The following NYAP2 variants were observed in gnomAD, a reference collection of about 807,000 sequenced individuals.
NYAP2 encodes the protein neuronal tyrosine-phosphorylated phosphoinositide-3-kinase adaptor 2.
In NYAP2, 23 loss-of-function variants were observed where a neutral mutation model predicts 50.4. That is an observed-to-expected ratio of 0.46 (90% CI 0.33 to 0.65). The LOEUF (loss-of-function observed/expected upper bound fraction) is 0.65, where lower values mean the gene tolerates loss of function less well. NYAP2 is among the 30% of genes least tolerant of loss of function. The pLI is 0.02. For missense variants in NYAP2, 885 were observed against 861.0 expected (o/e 1.03, Z -0.35); for synonymous variants, 394 against 365.2 (o/e 1.08, Z -0.90).
intron 3 of NYAP2, among the ~76,000 whole-genome samples, chr2:225,511,826 A>G (rs891487260): frequency 2.6e-5 from 4 of 152,208 alleles, no homozygotes; most frequent in Non-Finnish European, 5.9e-5. Context: ...ATAAAATTCC[A>G]TCATATTATG....
chr2:225,520,655 A>G (rs1318654615), intron 4 of NYAP2, among the ~76,000 whole-genome samples: 6 of 152,192 alleles, frequency 3.9e-5, no homozygotes, highest in African/African-American at 1.4e-4. Context: ...TACCAGTACC[A>G]TGCTGTTTTG....
chr2:225,637,987 G>C (rs1022586435), intron 6 of NYAP2, among the ~76,000 whole-genome samples: 4 of 152,202 alleles, frequency 2.6e-5, no homozygotes, highest in African/African-American at 4.8e-5. Flanking sequence ...TGATCGAAAT[G>C]AATATTGTTG....
At position 225,518,567 on chromosome 2, in the gene NYAP2, T is replaced by TATATAAAA. The variant is rs1203016686; in HGVS notation, c.523+4897_523+4898insATAAAAAT. Reference sequence around the variant, plus strand: ...ATATATATATATATATATATATATATATTAGCGTGTGCGCTTATATATATA... The same window carrying TATATAAAA: ...ATATATATATATATATATATATATATATATAAAAATTAGCGTGTGCGCTTATATATATA... On this transcript the variant is annotated intron_variant, in intron 4 of 6. Coordinates refer to ENST00000636099, the Ensembl canonical transcript of NYAP2. 6.7e-4 allele frequency among the ~76,000 whole-genome samples: 17 copies of TATATAAAA among 25,524 alleles called. 3 individuals are homozygous for TATATAAAA. The highest frequency in any genetic ancestry group is 6.2e-3 in the Admixed American group (11 of 1,788). 16.7% of individuals were successfully genotyped at this position (25,524 alleles called of 152,430 possible).
intron 3 of NYAP2, among the ~76,000 whole-genome samples, chr2:225,508,511 C>T (rs769274299): frequency 1.3e-5 from 2 of 152,042 alleles, no homozygotes; most frequent in Non-Finnish European, 2.9e-5. Flanking sequence ...AGTTAGAAGT[C>T]TGGGAGGTTT....
chr2:225,545,750 G>C (rs891919928), intron 4 of NYAP2, among the ~76,000 whole-genome samples: 3 of 151,998 alleles, frequency 2.0e-5, no homozygotes, highest in Non-Finnish European at 4.4e-5. Flanking sequence ...TTCTCCTGTC[G>C]ATATCTGTTG....
At chr2:225,655,937 TACAC>T (rs1307721608), downstream of NYAP2, among the ~76,000 whole-genome samples, 2 of 81,388 alleles carry the variant, frequency 2.5e-5, no homozygotes, top group Non-Finnish European at 5.4e-5. Context: ...CATACACACA[TACAC>T]ACACACACAC....
At chr2:225,594,766 G>A (rs947546351) in intron 5 of NYAP2, among the ~76,000 whole-genome samples, 15 of 152,298 alleles carry the variant, frequency 9.8e-5, no homozygotes, top group African/African-American at 3.4e-4. Flanking sequence ...TTAAATGTCT[G>A]TAGTGGTGCA....
chr2:225,543,548 T>A (rs1428562943), intron 4 of NYAP2, among the ~76,000 whole-genome samples: 1 of 152,076 alleles, frequency 6.6e-6, no homozygotes, highest in East Asian at 1.9e-4. Context: ...AATTTCCATA[T>A]GTTTGTATAG....
At chr2:225,419,741 C>T (rs775808988) in intron 3 of NYAP2, among the ~76,000 whole-genome samples, 57 of 151,996 alleles carry the variant, frequency 3.8e-4, no homozygotes, top group Non-Finnish European at 2.8e-4. Context: ...TTACTGTCAC[C>T]ATTTTTACCT....
At chr2:225,481,084 A>AG (rs1431567391) in intron 3 of NYAP2, among the ~76,000 whole-genome samples, 3 of 152,110 alleles carry the variant, frequency 2.0e-5, no homozygotes, top group Admixed American at 2.0e-4. Context: ...ATGAAATCAA[A>AG]GGGAAAACTC....
intron 4 of NYAP2, among the ~76,000 whole-genome samples, chr2:225,534,284 C>T (rs1212916551): frequency 3.9e-5 from 6 of 152,282 alleles, no homozygotes; most frequent in African/African-American, 9.6e-5. Context: ...GAATACTAAC[C>T]GTAGCCATTG....
intron 4 of NYAP2, among the ~76,000 whole-genome samples, chr2:225,537,888 G>C (rs1329329899): frequency 6.6e-6 from 1 of 152,178 alleles, no homozygotes; most frequent in East Asian, 1.9e-4. Flanking sequence ...ACAGGCATTG[G>C]ATAAATACAG....
At chr2:225,702,345 T>C in the NYAP2 span, 678 of 151,888 alleles carry the variant, frequency 4.5e-3, 8 homozygotes, top group African/African-American at 0.016. Context: ...AGCAAACTTA[T>C]GTATCAGGCA....
intron 4 of NYAP2, among the ~76,000 whole-genome samples, chr2:225,565,710 A>G (rs1296621544): frequency 1.3e-5 from 2 of 152,198 alleles, no homozygotes; most frequent in African/African-American, 4.8e-5. Context: ...TAAATACTTC[A>G]GGTAGAATGT....
intron 4 of NYAP2, among the ~76,000 whole-genome samples, chr2:225,545,558 TA>T (rs1691564630): frequency 6.6e-6 from 1 of 152,180 alleles, no homozygotes. Context: ...ATCTCTTTGT[TA>T]AATGCATCTG....
At chr2:225,635,863 A>G (rs73074518) in intron 6 of NYAP2, among the ~76,000 whole-genome samples, 3,303 of 152,314 alleles carry the variant, frequency 0.022, 123 homozygotes, top group African/African-American at 0.074. Flanking sequence ...AGCAATGAAT[A>G]GGATTTAAAA....
Position 225,419,065 on chromosome 2 carries a change from T to A in NYAP2, c.221+9964T>A, listed in dbSNP as rs563871432. 7.2e-5 allele frequency among the ~76,000 whole-genome samples: 11 copies of A among 152,306 alleles called. No individual in the cohort carries two copies. The East Asian group carries it at 2.1e-3, about 29-fold the overall frequency. On this transcript the variant is annotated intron_variant, in intron 3 of 6. Coordinates refer to ENST00000636099, the Ensembl canonical transcript of NYAP2. Reference sequence around the variant, plus strand: ...CAGATTAACCAGAACAAATGAACAATTGCCTAGAGGTCTCTGCCTTTTGCG... The same window carrying A: ...CAGATTAACCAGAACAAATGAACAAATGCCTAGAGGTCTCTGCCTTTTGCG...
At chr2:225,435,822 A>G (rs1689366448) in intron 3 of NYAP2, among the ~76,000 whole-genome samples, 1 of 152,216 alleles carries the variant, frequency 6.6e-6, no homozygotes. Context: ...ATGATCATGA[A>G]TGCTAGTAGT....
chr2:225,522,301 T>C (rs894832442), intron 4 of NYAP2, among the ~76,000 whole-genome samples: 3 of 152,172 alleles, frequency 2.0e-5, no homozygotes, highest in African/African-American at 7.2e-5. Flanking sequence ...TTCTTTATTA[T>C]ATAATTTCAT....
Sources: gnomAD v4.1 joint callset for allele counts (sites outside exome capture counted in the v4.1 genomes callset) on GRCh38, gnomAD v4.1.1 for gene constraint, MANE v1.5 for transcripts, NCBI Gene and HGNC (gene_info 2026-07-23, HGNC 2026-07-21) for gene names.